MACROD2: variants seen among roughly 807,000 people sequenced by gnomAD.
MACROD2 encodes mono-ADP ribosylhydrolase 2, also known as ADP-ribose glycohydrolase MACROD2.
A neutral mutation model predicts 70.4 loss-of-function variants in MACROD2; 36 were observed. The ratio of observed to expected loss-of-function variants is 0.51; its 90% CI spans 0.39 to 0.68. The LOEUF (loss-of-function observed/expected upper bound fraction) is 0.68, where lower values mean the gene tolerates loss of function less well. MACROD2 is among the 30% of genes least tolerant of loss of function. The pLI is 0.00. For missense variants in MACROD2, 496 were observed against 538.4 expected (o/e 0.92, Z 0.78); for synonymous variants, 172 against 178.8 (o/e 0.96, Z 0.30).
At chr20:14,740,167 G>A (rs893882333) in intron 5 of MACROD2, among the ~76,000 whole-genome samples, 1 of 152,016 alleles carries the variant, frequency 6.6e-6, no homozygotes, top group Non-Finnish European at 1.5e-5. Context: ...GGCTTAGAAT[G>A]GGCTATTTAT....
At chr20:14,012,890 A>G (rs1239708445) in intron 2 of MACROD2, among the ~76,000 whole-genome samples, 1 of 152,210 alleles carries the variant, frequency 6.6e-6, no homozygotes, top group African/African-American at 2.4e-5. Flanking sequence ...ACAGTAGTAC[A>G]GTATGTACTG....
At chr20:15,140,270 C>T (rs776241069) in intron 5 of MACROD2, among the ~76,000 whole-genome samples, 1 of 152,056 alleles carries the variant, frequency 6.6e-6, no homozygotes, top group African/African-American at 2.4e-5. Context: ...TCCCTGAGTT[C>T]GTTATGATGG....
At chr20:14,199,696 A>C (rs1465111311) in intron 3 of MACROD2, among the ~76,000 whole-genome samples, 1 of 152,122 alleles carries the variant, frequency 6.6e-6, no homozygotes, top group East Asian at 1.9e-4. Flanking sequence ...CATGTTCTTA[A>C]TTTTAAATGA....
intron 10 of MACROD2, among the ~76,000 whole-genome samples, chr20:15,923,154 A>G (rs1340266182): frequency 2.0e-5 from 3 of 152,102 alleles, no homozygotes; most frequent in African/African-American, 7.2e-5. Context: ...GCCTAGACCA[A>G]TTGTATTAGT....
At chr20:14,353,486 T>C (rs752112250) in intron 3 of MACROD2, among the ~76,000 whole-genome samples, 98 of 152,096 alleles carry the variant, frequency 6.4e-4, no homozygotes, top group Admixed American at 3.3e-3. Flanking sequence ...GGGATGACTA[T>C]TTTTTACCTA....
intron 4 of MACROD2, among the ~76,000 whole-genome samples, chr20:14,500,185 CT>C (rs2084901133): frequency 6.6e-6 from 1 of 152,180 alleles, no homozygotes. Context: ...TCATCCAGGT[CT>C]TGGTTAAGCT....
At chr20:15,601,090 T>C (rs905123159) in intron 8 of MACROD2, among the ~76,000 whole-genome samples, 4 of 152,168 alleles carry the variant, frequency 2.6e-5, no homozygotes, top group Non-Finnish European at 5.9e-5. Context: ...AAAATTTAAA[T>C]CAGGGATTCA....
intron 5 of MACROD2, among the ~76,000 whole-genome samples, chr20:14,702,789 A>G (rs1462031301): frequency 6.7e-6 from 1 of 150,084 alleles, no homozygotes; most frequent in Non-Finnish European, 1.5e-5. Flanking sequence ...GTGCAATGTC[A>G]TCATCTCGGC....
intron 3 of MACROD2, among the ~76,000 whole-genome samples, chr20:14,211,593 T>C (rs2081571335): frequency 6.6e-6 from 1 of 152,188 alleles, no homozygotes; most frequent in Non-Finnish European, 1.5e-5. Flanking sequence ...ATTGTAAGTA[T>C]GCAGTCTGTG....
chr20:15,725,100 A>G (rs2050842405), intron 8 of MACROD2, among the ~76,000 whole-genome samples: 1 of 152,092 alleles, frequency 6.6e-6, no homozygotes, highest in Non-Finnish European at 1.5e-5. Context: ...AACAAACAAC[A>G]ACAAAAAAAA....
At chr20:14,098,073 TC>T (rs1205791212) in intron 3 of MACROD2, among the ~76,000 whole-genome samples, 1 of 152,214 alleles carries the variant, frequency 6.6e-6, no homozygotes, top group Non-Finnish European at 1.5e-5. Context: ...ATGATGGCCG[TC>T]TAAAGAGATA....
At chr20:14,539,312 T>C (rs2085403290) in intron 4 of MACROD2, among the ~76,000 whole-genome samples, 1 of 152,210 alleles carries the variant, frequency 6.6e-6, no homozygotes, top group Non-Finnish European at 1.5e-5. Flanking sequence ...ACACCTCTTT[T>C]AGCTTTTCTG....
chr20:14,314,495 T>C (rs2082596106), intron 3 of MACROD2, among the ~76,000 whole-genome samples: 1 of 152,198 alleles, frequency 6.6e-6, no homozygotes, highest in Non-Finnish European at 1.5e-5. Flanking sequence ...GGGCGGTGGC[T>C]CACGCCTGTA....
chr20:14,910,417 T>C (rs937011996), intron 5 of MACROD2, among the ~76,000 whole-genome samples: 1 of 152,132 alleles, frequency 6.6e-6, no homozygotes, highest in African/African-American at 2.4e-5. Context: ...GAAACTAATT[T>C]AAAGAACATA....
At chr20:14,482,786 T>C (rs1391703408) in intron 3 of MACROD2, among the ~76,000 whole-genome samples, 2 of 152,242 alleles carry the variant, frequency 1.3e-5, no homozygotes, top group African/African-American at 2.4e-5. Context: ...ACAGGGATTA[T>C]ATAATTTCCA....
At chr20:15,376,534 G>A (rs1274111453) in intron 6 of MACROD2, among the ~76,000 whole-genome samples, 1 of 152,136 alleles carries the variant, frequency 6.6e-6, no homozygotes, top group East Asian at 1.9e-4. Flanking sequence ...TATAGATAAT[G>A]CCACTAATTT....
chr20:15,214,377 C>T (rs2076790652), intron 5 of MACROD2, among the ~76,000 whole-genome samples: 1 of 152,090 alleles, frequency 6.6e-6, no homozygotes, highest in Admixed American at 6.5e-5. Flanking sequence ...CCAGAGGATA[C>T]ATTTGGAAAA....
intron 4 of MACROD2, among the ~76,000 whole-genome samples, chr20:14,589,966 A>C (rs1263026156): frequency 6.6e-6 from 1 of 152,134 alleles, no homozygotes; most frequent in Non-Finnish European, 1.5e-5. Flanking sequence ...TATGTTGGTG[A>C]AGTGTTATAT....
chr20:15,020,934 T>G (rs537683050), intron 5 of MACROD2, among the ~76,000 whole-genome samples: 5 of 150,480 alleles, frequency 3.3e-5, no homozygotes, highest in African/African-American at 1.2e-4. Flanking sequence ...CACATATATA[T>G]GTATACATAT....
Sources: gnomAD v4.1 joint callset for allele counts (sites outside exome capture counted in the v4.1 genomes callset) on GRCh38, gnomAD v4.1.1 for gene constraint, MANE v1.5 for transcripts, NCBI Gene and HGNC (gene_info 2026-07-23, HGNC 2026-07-21) for gene names.